COPG2: variants seen among roughly 807,000 people sequenced by gnomAD.
COPG2 encodes coatomer subunit gamma-2.
COPG2 carries 37 observed loss-of-function variants against 46.3 expected under a neutral mutation model. That is an observed-to-expected ratio of 0.80 (90% CI 0.61 to 1.05). COPG2 has a LOEUF of 1.05. Ranked by LOEUF, COPG2 falls within the 50% of genes least tolerant of loss-of-function variation. The pLI, the probability that COPG2 is intolerant of heterozygous loss-of-function variation, is 0.00. For synonymous variants in COPG2, 159 were observed against 129.7 expected (o/e 1.23, Z -1.53); for missense variants, 427 against 387.8 (o/e 1.10, Z -0.85).
chr7:130,617,724 A>G (rs892238351), intron 5 of COPG2, among the ~76,000 whole-genome samples: 1 of 152,130 alleles, frequency 6.6e-6, no homozygotes, highest in South Asian at 2.1e-4. Context: ...ATAATCCAAA[A>G]TGGTCTACAA....
chr7:130,648,118 G>A (rs1427654195), intron 5 of COPG2, among the ~76,000 whole-genome samples: 1 of 152,028 alleles, frequency 6.6e-6, no homozygotes, highest in Non-Finnish European at 1.5e-5. Context: ...ATATTCTTTT[G>A]TGAAGTATGT....
At chr7:130,555,813 G>C (rs1202174520) in intron 12 of COPG2, among the ~76,000 whole-genome samples, 1 of 152,086 alleles carries the variant, frequency 6.6e-6, no homozygotes, top group Non-Finnish European at 1.5e-5. Context: ...CTGGGTGACA[G>C]AGAGAGACTC....
At chr7:130,607,322 T>C (rs1794754879) in intron 9 of COPG2, 1 of 184,854 alleles carries the variant, frequency 5.4e-6, no homozygotes, top group Non-Finnish European at 1.1e-5. Flanking sequence ...TACAAAGTTT[T>C]TGTTTGCTAA....
At chr7:130,560,734 T>G (rs1415480125) in intron 12 of COPG2, among the ~76,000 whole-genome samples, 3 of 152,146 alleles carry the variant, frequency 2.0e-5, no homozygotes, top group Non-Finnish European at 4.4e-5. Flanking sequence ...TCCAACAAAT[T>G]ATGGTGGAAT....
intron 5 of COPG2, among the ~76,000 whole-genome samples, chr7:130,619,625 C>A (rs782466062): frequency 2.6e-5 from 4 of 152,162 alleles, no homozygotes; most frequent in African/African-American, 9.7e-5. Flanking sequence ...TAATTGAATA[C>A]ATTCAATGCT....
chr7:130,603,910 A>G (rs1332548856), intron 9 of COPG2: 4 of 509,324 alleles, frequency 7.9e-6, no homozygotes, highest in African/African-American at 7.7e-5. Flanking sequence ...CTTGTTGATA[A>G]CAAAAATAGT....
intron 9 of COPG2, among the ~76,000 whole-genome samples, chr7:130,602,606 G>A (rs1200916965): frequency 6.6e-6 from 1 of 151,990 alleles, no homozygotes; most frequent in African/African-American, 2.4e-5. Flanking sequence ...TGAATAGCTG[G>A]GATTACAGGC....
At chr7:130,664,629 TG>T (rs367695892) in intron 3 of COPG2, among the ~76,000 whole-genome samples, 44 of 152,346 alleles carry the variant, frequency 2.9e-4, no homozygotes, top group African/African-American at 8.7e-4. Context: ...ATGCTGTGCT[TG>T]GTAATTTCCT....
At chr7:130,577,418 G>A (rs985536633) in intron 9 of COPG2, among the ~76,000 whole-genome samples, 21 of 152,290 alleles carry the variant, frequency 1.4e-4, no homozygotes, top group Admixed American at 3.3e-4. Context: ...GGACGCACCT[G>A]GAAAATCGGG....
chr7:130,661,784 T>G (rs62473529), intron 4 of COPG2, among the ~76,000 whole-genome samples: 29,783 of 152,178 alleles, frequency 0.2, 3,095 homozygotes, highest in Middle Eastern at 0.25. Context: ...GTACACTGGA[T>G]AATTCTTTTC....
intron 9 of COPG2, among the ~76,000 whole-genome samples, chr7:130,601,827 AAAGG>A (rs1182457411): frequency 6.6e-6 from 1 of 151,972 alleles, no homozygotes; most frequent in Non-Finnish European, 1.5e-5. Flanking sequence ...TATAATAAAA[AAAGG>A]AAGGAAGGAA....
At chr7:130,581,903 A>G (rs1347083544) in intron 9 of COPG2, among the ~76,000 whole-genome samples, 4 of 149,384 alleles carry the variant, frequency 2.7e-5, no homozygotes, top group Non-Finnish European at 4.5e-5. Context: ...AATCAATATC[A>G]TGAAAATGGC....
At chr7:130,557,141 C>A (rs975940575) in intron 12 of COPG2, among the ~76,000 whole-genome samples, 1 of 151,832 alleles carries the variant, frequency 6.6e-6, no homozygotes, top group Non-Finnish European at 1.5e-5. Flanking sequence ...AAAACTAACT[C>A]GATAATTCAC....
At chr7:130,580,259 G>A (rs1254774027) in intron 9 of COPG2, among the ~76,000 whole-genome samples, 6 of 151,374 alleles carry the variant, frequency 4.0e-5, no homozygotes, top group Admixed American at 6.6e-5. Context: ...GATACATAAC[G>A]AAATGAAGGC....
intron 20 of COPG2, among the ~76,000 whole-genome samples, chr7:130,541,358 G>A (rs1393697563): frequency 1.3e-5 from 2 of 151,934 alleles, no homozygotes; most frequent in Admixed American, 6.6e-5. Flanking sequence ...AGGTGCAAAG[G>A]GAAATGGAGA....
At chr7:130,619,000 T>C (rs905248661) in intron 5 of COPG2, among the ~76,000 whole-genome samples, 2 of 152,232 alleles carry the variant, frequency 1.3e-5, no homozygotes, top group African/African-American at 2.4e-5. Flanking sequence ...TCACAATATG[T>C]AGCATATAGT....
intron 4 of COPG2, among the ~76,000 whole-genome samples, chr7:130,653,310 A>G (rs1795785174): frequency 6.6e-6 from 1 of 152,222 alleles, no homozygotes; most frequent in South Asian, 2.1e-4. Context: ...CTGGAGTGCA[A>G]TGGCGCAATC....
At chr7:130,509,925 A>T (rs1554440811) in intron 20 of COPG2, 1 of 474,144 alleles carries the variant, frequency 2.1e-6, no homozygotes, top group Admixed American at 2.3e-5. Flanking sequence ...AGCTTTGGCA[A>T]GCAGAGGAAG....
chr7:130,515,643 T>C lies in COPG2; in HGVS notation c.2150-6984A>G, dbSNP rs1005711379. Among the ~76,000 whole-genome samples the C allele has an allele frequency of 1.8e-4, 28 of 152,100 alleles. No individual in the cohort carries two copies. The South Asian group carries it at 5.8e-3, about 32-fold the overall frequency. On this transcript the variant is annotated intron_variant, in intron 20 of 23. Coordinates refer to ENST00000425248, the MANE Select transcript of COPG2 (RefSeq NM_012133.6). ...GATAAAGAGCCTCTGCTAGCAACTG[T>C]TGTGTTAGGGTCAGCTGAAAATTAA...
Sources: gnomAD v4.1 joint callset for allele counts (sites outside exome capture counted in the v4.1 genomes callset) on GRCh38, gnomAD v4.1.1 for gene constraint, MANE v1.5 for transcripts, NCBI Gene and HGNC (gene_info 2026-07-23, HGNC 2026-07-21) for gene names.